Variants in ITGBL1 observed in about 807,000 individuals in gnomAD.
ITGBL1 encodes integrin subunit beta like 1, also known as integrin beta-like protein 1.
In ITGBL1, 51 loss-of-function variants were observed where a neutral mutation model predicts 68.5. The observed-to-expected ratio is 0.74, with a 90% confidence interval of 0.59 to 0.94. The LOEUF (loss-of-function observed/expected upper bound fraction) is 0.94, where lower values mean the gene tolerates loss of function less well. ITGBL1 is among the 40% of genes least tolerant of loss of function. ITGBL1 has a pLI of 0.00. For synonymous variants in ITGBL1, 209 were observed against 227.3 expected (o/e 0.92, Z 0.72); for missense variants, 649 against 647.4 (o/e 1.00, Z -0.03).
chr13:101,562,597 A>G (rs912087160), intron 2 of ITGBL1, among the ~76,000 whole-genome samples: 8 of 152,140 alleles, frequency 5.3e-5, no homozygotes, highest in African/African-American at 1.9e-4. Flanking sequence ...ATATTACACA[A>G]TGAAAAAGTA....
At chr13:101,519,093 A>C (rs1371890807) in intron 2 of ITGBL1, among the ~76,000 whole-genome samples, 1 of 152,208 alleles carries the variant, frequency 6.6e-6, no homozygotes, top group African/African-American at 2.4e-5. Context: ...AGTGGTACGC[A>C]TTAAAAATAC....
At chr13:101,719,523 C>CTAAT (rs1386596976), downstream of ITGBL1, 2 of 152,166 alleles carry the variant, frequency 1.3e-5, no homozygotes, top group South Asian at 2.1e-4. Flanking sequence ...CATGTCTTCT[C>CTAAT]TAATTTTTCC....
chr13:101,688,678 G>A (rs1395081542), intron 7 of ITGBL1, among the ~76,000 whole-genome samples: 1 of 152,244 alleles, frequency 6.6e-6, no homozygotes, highest in South Asian at 2.1e-4. Context: ...AGAAGAGTAG[G>A]TTTGTGAATA....
downstream of ITGBL1, chr13:101,717,787 T>C (rs1259440576): frequency 1.3e-5 from 2 of 152,190 alleles, no homozygotes; most frequent in Non-Finnish European, 2.9e-5. Context: ...GGCAGTACTT[T>C]GTCAGCCTCA....
chr13:101,477,448 C>T (rs2048554096), intron 2 of ITGBL1, among the ~76,000 whole-genome samples: 1 of 151,642 alleles, frequency 6.6e-6, no homozygotes, highest in Admixed American at 6.6e-5. Flanking sequence ...CAAGAACAAA[C>T]CAAACCCCAA....
downstream of ITGBL1, chr13:101,718,935 T>A (rs888710588): frequency 3.3e-5 from 5 of 151,936 alleles, no homozygotes; most frequent in African/African-American, 1.2e-4. Context: ...TCACTCAAAG[T>A]AAGACCATGT....
At chr13:101,598,325 C>A in intron 7 of ITGBL1, 26 bp downstream of exon 7, 1 of 1,541,612 alleles carries the variant, frequency 6.5e-7, no homozygotes, top group East Asian at 2.4e-5. Flanking sequence ...CAGGGCTTCC[C>A]ACGGCCTCTC....
intron 2 of ITGBL1, among the ~76,000 whole-genome samples, chr13:101,539,367 A>G (rs529665315): frequency 1.3e-5 from 2 of 151,972 alleles, no homozygotes; most frequent in African/African-American, 4.8e-5. Context: ...CCATGTCCCT[A>G]CAAAGGACAT....
At chr13:101,705,203 T>G (rs1008229681) in intron 8 of ITGBL1, among the ~76,000 whole-genome samples, 5 of 149,902 alleles carry the variant, frequency 3.3e-5, no homozygotes, top group African/African-American at 9.8e-5. Context: ...CCAGACCTTC[T>G]CTGGCTGTTA....
At chr13:101,545,538 G>A (rs1277508287) in intron 2 of ITGBL1, among the ~76,000 whole-genome samples, 1 of 152,042 alleles carries the variant, frequency 6.6e-6, no homozygotes, top group Non-Finnish European at 1.5e-5. Context: ...TTGAAAATAT[G>A]TACACTTTTA....
At chr13:101,632,016 A>G (rs1222890980) in intron 7 of ITGBL1, among the ~76,000 whole-genome samples, 1 of 152,098 alleles carries the variant, frequency 6.6e-6, no homozygotes, top group African/African-American at 2.4e-5. Flanking sequence ...GTACACAAAA[A>G]AAAGCAAAAA....
At chr13:101,598,649 T>C (rs1329130443) in intron 7 of ITGBL1, among the ~76,000 whole-genome samples, 1 of 152,116 alleles carries the variant, frequency 6.6e-6, no homozygotes, top group Non-Finnish European at 1.5e-5. Flanking sequence ...TGTGTTCTCA[T>C]TGTTCAATTC....
intron 2 of ITGBL1, among the ~76,000 whole-genome samples, chr13:101,512,305 CG>C (rs572862349): frequency 4.1e-4 from 63 of 152,166 alleles, no homozygotes; most frequent in Admixed American, 1.6e-3. Context: ...TGGGTCCACT[CG>C]TGCTTCTCCT....
At chr13:101,640,815 C>T (rs573216095) in intron 7 of ITGBL1, among the ~76,000 whole-genome samples, 2 of 152,172 alleles carry the variant, frequency 1.3e-5, no homozygotes, top group South Asian at 4.2e-4. Flanking sequence ...GTCTATTGTT[C>T]CCATTTTTAT....
intron 2 of ITGBL1, among the ~76,000 whole-genome samples, chr13:101,492,441 GAC>G (rs2048793263): frequency 1.3e-5 from 2 of 152,214 alleles, no homozygotes; most frequent in Non-Finnish European, 2.9e-5. Flanking sequence ...CAATGGAGCT[GAC>G]ACAGTTTATT....
chr13:101,626,777 A>C (rs560673971), intron 7 of ITGBL1, among the ~76,000 whole-genome samples: 23 of 152,344 alleles, frequency 1.5e-4, no homozygotes, highest in Middle Eastern at 3.4e-3. Flanking sequence ...ATAGGAGTAC[A>C]TCTTTTTTTA....
intron 2 of ITGBL1, among the ~76,000 whole-genome samples, chr13:101,509,012 CT>C (rs1190139282): frequency 6.6e-6 from 1 of 151,946 alleles, no homozygotes; most frequent in African/African-American, 2.4e-5. Context: ...AAAAGTAAAG[CT>C]TTCATATCTG....
At chr13:101,479,613 A>G (rs897388078) in intron 2 of ITGBL1, among the ~76,000 whole-genome samples, 1 of 104,934 alleles carries the variant, frequency 9.5e-6, no homozygotes, top group African/African-American at 3.6e-5. Flanking sequence ...ACTCAACAGG[A>G]AAAAAAAAAT....
At chr13:101,671,437 G>GTTTTTTTTTT (rs1491455482) in intron 7 of ITGBL1, among the ~76,000 whole-genome samples, 8 of 102,800 alleles carry the variant, frequency 7.8e-5, no homozygotes, top group Non-Finnish European at 1.1e-4. Flanking sequence ...TTTTTTTTTT[G>GTTTTTTTTTT]TTTTTTTTTG....
Sources: allele counts gnomAD v4.1 joint callset (sites outside exome capture counted in the v4.1 genomes callset), GRCh38; gene constraint gnomAD v4.1.1; transcripts MANE v1.5; gene names NCBI Gene and HGNC (gene_info 2026-07-23, HGNC 2026-07-21).